APLF: variants seen among roughly 807,000 people sequenced by gnomAD.
APLF encodes the protein aprataxin and PNK-like factor.
A neutral mutation model predicts 55.6 loss-of-function variants in APLF; 61 were observed. The ratio of observed to expected loss-of-function variants is 1.10; its 90% CI spans 0.89 to 1.36. The LOEUF (loss-of-function observed/expected upper bound fraction) is 1.36, where lower values mean the gene tolerates loss of function less well. Among genes scored for constraint, APLF ranks in the 40% most tolerant of loss-of-function variants. APLF has a pLI of 0.00. For synonymous variants in APLF, 207 were observed against 214.8 expected, an observed-to-expected ratio of 0.96 and a Z score of 0.32; for missense variants, 611 against 602.5, an observed-to-expected ratio of 1.01 and a Z score of -0.15.
At chr2:68,521,461 A>G (rs565510990) in intron 5 of APLF, among the ~76,000 whole-genome samples, 8 of 151,992 alleles carry the variant, frequency 5.3e-5, no homozygotes, top group African/African-American at 1.9e-4. Context: ...TGTCTCAGGT[A>G]CTAGTTCTTG....
At chr2:68,483,756 TA>T (rs139919136) in intron 1 of APLF, among the ~76,000 whole-genome samples, 3 of 152,112 alleles carry the variant, frequency 2.0e-5, no homozygotes, top group East Asian at 3.8e-4. Context: ...CAGTTTATAC[TA>T]AAAAACAATT....
chr2:68,503,321 A>G lies in APLF; in HGVS notation c.341+418A>G, dbSNP rs550673944. Among the ~76,000 whole-genome samples the G allele has an allele frequency of 4.5e-4, 69 of 152,280 alleles. No individual in the cohort carries two copies. In the South Asian group the frequency reaches 7.9e-3, roughly 17 times the overall value. On this transcript the variant is annotated intron_variant, in intron 3 of 9. Transcript: ENST00000303795. ...TCTAACTCCTCTTTCTTATAAAAAT[A>G]GCAGAAAATATAGAACAGAGAAACT...
chr2:68,555,015 G>T (rs1670965085), intron 8 of APLF, among the ~76,000 whole-genome samples: 1 of 151,972 alleles, frequency 6.6e-6, no homozygotes, highest in Non-Finnish European at 1.5e-5. Context: ...AATACTTACA[G>T]CCAACTGATC....
At chr2:68,518,793 T>A (rs1342485902) in intron 5 of APLF, among the ~76,000 whole-genome samples, 9 of 27,318 alleles carry the variant, frequency 3.3e-4, no homozygotes, top group African/African-American at 1.0e-3. Flanking sequence ...TAATAAAATA[T>A]TAATAATCTA....
chr2:68,526,386 T>C, intron 6 of APLF, 144 bp downstream of exon 6: 1 of 1,434,050 alleles, frequency 7.0e-7, no homozygotes, highest in East Asian at 2.3e-5. Context: ...TTTTCAGACT[T>C]ACTGAAACTA....
At chr2:68,535,957 G>A (rs1414921980) in intron 6 of APLF, among the ~76,000 whole-genome samples, 40 of 152,200 alleles carry the variant, frequency 2.6e-4, no homozygotes, top group Non-Finnish European at 4.4e-5. Flanking sequence ...GCAGGAACAA[G>A]AGATACATTT....
intron 1 of APLF, among the ~76,000 whole-genome samples, chr2:68,472,897 T>C (rs1046157010): frequency 1.3e-5 from 2 of 152,200 alleles, no homozygotes; most frequent in African/African-American, 2.4e-5. Flanking sequence ...ACAGCAAAAC[T>C]GAGTGGAAAG....
At chr2:68,479,715 T>A (rs1001760391) in intron 1 of APLF, among the ~76,000 whole-genome samples, 5 of 152,310 alleles carry the variant, frequency 3.3e-5, no homozygotes, top group East Asian at 1.9e-4. Flanking sequence ...ACTTTTTTTT[T>A]AAAGAAATGG....
intron 6 of APLF, among the ~76,000 whole-genome samples, chr2:68,527,867 C>T (rs1397695997): frequency 2.7e-5 from 4 of 147,638 alleles, no homozygotes; most frequent in East Asian, 2.0e-4. Flanking sequence ...GTGGAGTAGC[C>T]GGGCAGAGGC....
intron 8 of APLF, 100 bp downstream of exon 8, chr2:68,545,412 T>A (rs1439317497): frequency 7.2e-7 from 1 of 1,393,060 alleles, no homozygotes; most frequent in African/African-American, 1.4e-5. Context: ...GCCTTTTAAT[T>A]TTCATTTTTA....
intron 5 of APLF, among the ~76,000 whole-genome samples, chr2:68,518,913 T>C (rs1264097493): frequency 1.6e-5 from 2 of 124,730 alleles, no homozygotes; most frequent in Non-Finnish European, 3.1e-5. Flanking sequence ...TATAATAAAA[T>C]AATAATATAT....
chr2:68,487,925 A>C (rs1463938309), intron 1 of APLF, among the ~76,000 whole-genome samples: 1 of 152,158 alleles, frequency 6.6e-6, no homozygotes, highest in African/African-American at 2.4e-5. Context: ...GCTTGTAATG[A>C]AATTACACTG....
chr2:68,563,968 T>G (rs1671230716), intron 8 of APLF, among the ~76,000 whole-genome samples: 1 of 152,104 alleles, frequency 6.6e-6, no homozygotes, highest in Admixed American at 6.6e-5. Flanking sequence ...TCTTGCCTGC[T>G]TTTTAAAGTA....
chr2:68,486,492 A>T (rs532323220), intron 1 of APLF, among the ~76,000 whole-genome samples: 1 of 152,072 alleles, frequency 6.6e-6, no homozygotes, highest in Non-Finnish European at 1.5e-5. Flanking sequence ...TTTGGGAGTG[A>T]TACCTATGCT....
At chr2:68,543,686 C>G (rs1217479634) in intron 7 of APLF, among the ~76,000 whole-genome samples, 2 of 151,962 alleles carry the variant, frequency 1.3e-5, no homozygotes, top group African/African-American at 4.8e-5. Flanking sequence ...TGAAATGAAC[C>G]CAAAAGTTTA....
At chr2:68,521,736 C>A (rs1280050128) in intron 5 of APLF, among the ~76,000 whole-genome samples, 1 of 151,894 alleles carries the variant, frequency 6.6e-6, no homozygotes, top group Non-Finnish European at 1.5e-5. Flanking sequence ...TTCTAAGCTA[C>A]CAACGTGAAG....
intron 5 of APLF, among the ~76,000 whole-genome samples, chr2:68,518,652 A>G (rs1211420026): frequency 5.6e-5 from 7 of 125,740 alleles, no homozygotes; most frequent in Non-Finnish European, 1.1e-4. Flanking sequence ...TTAATATATC[A>G]TGAATATATA....
chr2:68,469,930 C>G (rs568133561), intron 1 of APLF, among the ~76,000 whole-genome samples: 141 of 152,320 alleles, frequency 9.3e-4, no homozygotes, highest in Non-Finnish European at 1.6e-3. Context: ...AGTTTATAAT[C>G]TGACTGTGTA....
At chr2:68,522,603 A>T (rs1226320792) in intron 5 of APLF, among the ~76,000 whole-genome samples, 1 of 151,880 alleles carries the variant, frequency 6.6e-6, no homozygotes, top group East Asian at 1.9e-4. Context: ...AACTCTCCTG[A>T]TCTGGGCCTG....
Sources: gnomAD v4.1 joint callset for allele counts (sites outside exome capture counted in the v4.1 genomes callset) on GRCh38, gnomAD v4.1.1 for gene constraint, MANE v1.5 for transcripts, NCBI Gene and HGNC (gene_info 2026-07-23, HGNC 2026-07-21) for gene names.